Variants in MYO16 observed in about 807,000 individuals in gnomAD.
The protein encoded by MYO16 is unconventional myosin-XVI.
Under a neutral mutation model 205.3 loss-of-function variants are expected in MYO16, and 94 were observed. The observed-to-expected ratio is 0.46, with a 90% CI of 0.39 to 0.54. The LOEUF is 0.54. Ranked by LOEUF, MYO16 falls within the 20% of genes least tolerant of loss-of-function variation. The probability of loss-of-function intolerance (pLI) is 0.00; values close to 1 mark genes in which losing one functional copy is unlikely to be tolerated. For synonymous variants in MYO16, 988 were observed against 954.0 expected (o/e 1.04, Z -0.66); for missense variants, 2,315 against 2,387.5 (o/e 0.97, Z 0.63).
intron 14 of MYO16, among the ~76,000 whole-genome samples, chr13:108,896,302 A>G (rs1453492964): frequency 1.3e-5 from 2 of 152,164 alleles, no homozygotes; most frequent in Admixed American, 1.3e-4. Context: ...TTTTCACCGT[A>G]TGTATATAAC....
chr13:108,653,597 T>C (rs1236079686), intron 1 of MYO16, among the ~76,000 whole-genome samples: 1 of 152,078 alleles, frequency 6.6e-6, no homozygotes, highest in Admixed American at 6.6e-5. Context: ...TTTTTGCATG[T>C]ATGTTATTTT....
chr13:108,752,649 T>G (rs976243532), intron 4 of MYO16, among the ~76,000 whole-genome samples: 2 of 148,352 alleles, frequency 1.3e-5, no homozygotes, highest in Admixed American at 1.3e-4. Flanking sequence ...TTTCTTTTCT[T>G]TTTTTTTTTT....
At chr13:108,674,282 T>A (rs1882110752) in intron 2 of MYO16, among the ~76,000 whole-genome samples, 1 of 152,220 alleles carries the variant, frequency 6.6e-6, no homozygotes, top group African/African-American at 2.4e-5. Context: ...AGCTGTTTCC[T>A]TGTATTTACT....
Position 108,865,520 on chromosome 13 carries a change from CT to C in MYO16, c.1360-648del, listed in dbSNP as rs146861727. On this transcript the variant is annotated intron_variant, in intron 11 of 34. Transcript: ENST00000457511. Reference sequence around the variant, plus strand: ...TGCATACCTTGCTTCATCCTTTTCCCTTTTTTTTTAGTCTATATGTTTAGGA... The same window carrying C: ...TGCATACCTTGCTTCATCCTTTTCCCTTTTTTTTAGTCTATATGTTTAGGA... Among the ~76,000 whole-genome samples the C allele has an allele frequency of 7.3e-5, 11 of 150,314 alleles. No individual in the cohort carries two copies. In the East Asian group the frequency reaches 7.8e-4, roughly 11 times the overall value.
intron 16 of MYO16, among the ~76,000 whole-genome samples, chr13:108,935,973 A>G (rs1358203662): frequency 1.3e-5 from 2 of 152,034 alleles, no homozygotes; most frequent in African/African-American, 4.8e-5. Flanking sequence ...CATCCCAGGA[A>G]TGAAGCTTAT....
chr13:108,772,442 AG>A, intron 4 of MYO16, among the ~76,000 whole-genome samples: 1 of 152,336 alleles, frequency 6.6e-6, no homozygotes, highest in South Asian at 2.1e-4. Flanking sequence ...GCAATGAAAA[AG>A]AGTGTCTGTT....
At chr13:108,830,576 C>T (rs1876553049) in intron 9 of MYO16, among the ~76,000 whole-genome samples, 1 of 132,278 alleles carries the variant, frequency 7.6e-6, no homozygotes, top group African/African-American at 2.9e-5. Context: ...CACATGGACA[C>T]AGGAAGGGGA....
chr13:108,501,843 C>G, the MYO16 span, among the ~76,000 whole-genome samples: 5 of 152,272 alleles, frequency 3.3e-5, no homozygotes, highest in African/African-American at 4.8e-5. Context: ...TTTGCTGAAC[C>G]CTGATCATTG....
chr13:108,634,611 C>T (rs76081706), intron 1 of MYO16, among the ~76,000 whole-genome samples: 1,745 of 152,268 alleles, frequency 0.011, 32 homozygotes, highest in African/African-American at 0.04. Flanking sequence ...GACTGCATCC[C>T]GCTGCTTTCC....
intron 2 of MYO16, among the ~76,000 whole-genome samples, chr13:108,688,529 C>T (rs988164810): frequency 2.0e-5 from 3 of 152,178 alleles, no homozygotes; most frequent in Non-Finnish European, 4.4e-5. Context: ...TGATTACATG[C>T]TTGCACTGGA....
chr13:108,575,946 G>A, the MYO16 span, among the ~76,000 whole-genome samples: 6 of 152,192 alleles, frequency 3.9e-5, no homozygotes, highest in African/African-American at 1.4e-4. Flanking sequence ...CTCGGCAACT[G>A]AGGGCCTATG....
chr13:109,198,334 T>G (rs2139962887), intron 34 of MYO16, among the ~76,000 whole-genome samples: 1 of 152,256 alleles, frequency 6.6e-6, no homozygotes, highest in East Asian at 1.9e-4. Flanking sequence ...AAACCCTAAC[T>G]TCAGAAGCAT....
intron 9 of MYO16, among the ~76,000 whole-genome samples, chr13:108,830,904 C>A (rs1307789284): frequency 6.6e-6 from 1 of 152,106 alleles, no homozygotes; most frequent in Admixed American, 6.5e-5. Context: ...TCTATTCAGT[C>A]CATTATTTTA....
intron 20 of MYO16, among the ~76,000 whole-genome samples, chr13:108,965,823 T>A (rs775204065): frequency 6.6e-6 from 1 of 152,224 alleles, no homozygotes; most frequent in African/African-American, 2.4e-5. Context: ...ATAGTGACCT[T>A]GAGCAGACAA....
chr13:108,794,720 G>A (rs902661972), intron 6 of MYO16, among the ~76,000 whole-genome samples: 1 of 152,168 alleles, frequency 6.6e-6, no homozygotes, highest in Non-Finnish European at 1.5e-5. Context: ...GGGTTAGTGT[G>A]AGTTAAAATT....
the MYO16 span, among the ~76,000 whole-genome samples, chr13:108,580,222 A>T: frequency 6.6e-6 from 1 of 152,230 alleles, no homozygotes; most frequent in East Asian, 1.9e-4. Context: ...CCTATACAGC[A>T]TCTACAGATT....
chr13:108,517,861 TG>T, the MYO16 span, among the ~76,000 whole-genome samples: 9 of 152,286 alleles, frequency 5.9e-5, no homozygotes, highest in East Asian at 1.7e-3. Flanking sequence ...TGGTGTCTGG[TG>T]GGGGCTCTCT....
At chr13:108,666,384 A>AT (rs200156824) in intron 2 of MYO16, among the ~76,000 whole-genome samples, 4,518 of 148,562 alleles carry the variant, frequency 0.03, 109 homozygotes, top group South Asian at 0.12. Flanking sequence ...GTGAGATTGT[A>AT]TTTTTTTTTT....
intron 32 of MYO16, among the ~76,000 whole-genome samples, chr13:109,147,926 A>T (rs1315572988): frequency 1.3e-5 from 2 of 152,184 alleles, no homozygotes; most frequent in Non-Finnish European, 2.9e-5. Context: ...CACTAAGTGG[A>T]CATTAAGCAA....
Sources: gnomAD v4.1 joint callset for allele counts (sites outside exome capture counted in the v4.1 genomes callset) on GRCh38, gnomAD v4.1.1 for gene constraint, MANE v1.5 for transcripts, NCBI Gene and HGNC (gene_info 2026-07-23, HGNC 2026-07-21) for gene names.